Variants in NIBAN1 observed in about 807,000 individuals in gnomAD.
The protein encoded by NIBAN1 is protein Niban 1.
Under a neutral mutation model 75.1 loss-of-function variants are expected in NIBAN1, and 81 were observed. The observed-to-expected ratio is 1.08, with a 90% confidence interval of 0.90 to 1.30. The LOEUF (loss-of-function observed/expected upper bound fraction) is 1.30, where lower values mean the gene tolerates loss of function less well. Among genes scored for constraint, NIBAN1 ranks in the 50% most tolerant of loss-of-function variants. The probability of loss-of-function intolerance (pLI) is 0.00; values close to 1 mark genes in which losing one functional copy is unlikely to be tolerated. For missense variants in NIBAN1, 1,133 were observed against 1,128.1 expected, an observed-to-expected ratio of 1.00 and a Z score of -0.06; for synonymous variants, 436 against 424.8, an observed-to-expected ratio of 1.03 and a Z score of -0.32.
In NIBAN1 at chr1:184,894,059, C is replaced by T; in HGVS notation, c.318+16G>A. 9 of 1,587,358 alleles carry T rather than the reference C, an allele frequency of 5.7e-6. No homozygotes were observed. The highest frequency in any genetic ancestry group is 7.7e-6 in the Non-Finnish European group (9 of 1,169,678). ...AGAACAGTGTAAGAATCAGTAGTAA[C>T]AAAGAAGTGTCTTACCTCTTTATTC... is the stretch of plus-strand genomic sequence containing the variant. On this transcript the variant is annotated intron_variant, in intron 3 of 13. Coordinates refer to ENST00000367511, the MANE Select transcript of NIBAN1 (RefSeq NM_052966.4).
chr1:184,893,094 G>A (rs1018422070), intron 3 of NIBAN1, among the ~76,000 whole-genome samples: 2 of 152,106 alleles, frequency 1.3e-5, no homozygotes, highest in African/African-American at 4.8e-5. Flanking sequence ...CTTGAGCTTA[G>A]AGGCCAGAGA....
chr1:184,891,336 T>A (rs547535200), intron 3 of NIBAN1, among the ~76,000 whole-genome samples: 3 of 152,226 alleles, frequency 2.0e-5, no homozygotes, highest in African/African-American at 7.2e-5. Context: ...GGGCTCCCCA[T>A]GAAATAATAC....
chr1:184,948,253 T>C (rs1030354433), intron 1 of NIBAN1, among the ~76,000 whole-genome samples: 2 of 152,202 alleles, frequency 1.3e-5, no homozygotes, highest in Admixed American at 6.5e-5. Flanking sequence ...GAAACAGGTC[T>C]AGACTCAATT....
chr1:184,879,794 A>G (rs1163205636), intron 5 of NIBAN1, among the ~76,000 whole-genome samples: 1 of 152,230 alleles, frequency 6.6e-6, no homozygotes, highest in African/African-American at 2.4e-5. Flanking sequence ...ACCAATTCCA[A>G]CACATAATCA....
intron 6 of NIBAN1, among the ~76,000 whole-genome samples, chr1:184,824,748 G>A (rs1046652148): frequency 5.9e-5 from 9 of 152,064 alleles, no homozygotes; most frequent in African/African-American, 2.2e-4. Context: ...TTTTCTTAAA[G>A]CTATGTTATT....
rs181964394 is a variant in NIBAN1 at position 184,859,995 on chromosome 1, G to A, written c.601+24638C>T. Among the ~76,000 whole-genome samples, 55 of 152,314 alleles carry A rather than the reference G, an allele frequency of 3.6e-4. 1 individual carries two copies. The East Asian group carries it at 8.7e-3, about 24-fold the overall frequency. On this transcript the variant is annotated intron_variant, in intron 5 of 13. Coordinates refer to ENST00000367511, the MANE Select transcript of NIBAN1 (RefSeq NM_052966.4). ...AACCAAAGCCAGAACTTCAGGGAACGAAGGACTGTGGGGAGGCATTGGGAA... is the reference window on the plus strand; with the variant it reads ...AACCAAAGCCAGAACTTCAGGGAACAAAGGACTGTGGGGAGGCATTGGGAA...
At chr1:184,855,864 C>A (rs1169276895) in intron 5 of NIBAN1, among the ~76,000 whole-genome samples, 42 of 149,878 alleles carry the variant, frequency 2.8e-4, no homozygotes, top group Non-Finnish European at 8.9e-5. Context: ...TGTAGATTGC[C>A]AGTTTCTAAT....
intron 9 of NIBAN1, among the ~76,000 whole-genome samples, chr1:184,809,891 T>C (rs1036310624): frequency 2.0e-5 from 3 of 152,122 alleles, no homozygotes; most frequent in Non-Finnish European, 4.4e-5. Flanking sequence ...CAGAGTAATG[T>C]ATAAAATATA....
chr1:184,831,973 G>A lies in NIBAN1; in HGVS notation c.602-11C>T. 1 of 1,596,050 alleles carries A rather than the reference G, an allele frequency of 6.3e-7. No individual in the cohort carries two copies. The highest frequency in any genetic ancestry group is 1.1e-5 in the South Asian group (1 of 90,704). ...TCTGCTTCATGTAATCTAAAGAAAA[G>A]AAGAAAGGGCATTCAGCAAGATAAA... On this transcript the variant is annotated splice_polypyrimidine_tract_variant and intron_variant, in intron 5 of 13. Coordinates refer to ENST00000367511, the MANE Select transcript of NIBAN1 (RefSeq NM_052966.4).
rs199936550 is a variant in NIBAN1, at chr1:184,897,955, C to T, written c.186+1224G>A. On this transcript the variant is annotated intron_variant, in intron 2 of 13. Coordinates refer to ENST00000367511, the MANE Select transcript of NIBAN1 (RefSeq NM_052966.4). ...CTCCCCAGTTTCCATTCTCCCCTCT[C>T]GCCCCATAGTCTATTCTTTACACAG... Among the ~76,000 whole-genome samples, 24 of 152,318 alleles carry T rather than the reference C, an allele frequency of 1.6e-4. No homozygotes were observed. The East Asian group carries it at 3.3e-3, about 21-fold the overall frequency.
intron 1 of NIBAN1, among the ~76,000 whole-genome samples, chr1:184,946,899 C>T (rs959118756): frequency 6.6e-6 from 1 of 151,944 alleles, no homozygotes; most frequent in Non-Finnish European, 1.5e-5. Flanking sequence ...CATGGAGAAA[C>T]CTTGTCTCTA....
intron 1 of NIBAN1, among the ~76,000 whole-genome samples, chr1:184,907,008 C>T (rs1035740543): frequency 6.6e-6 from 1 of 152,184 alleles, no homozygotes; most frequent in East Asian, 1.9e-4. Context: ...AACTATGATA[C>T]ATTCTATAAT....
chr1:184,868,558 C>T (rs1205986254), intron 5 of NIBAN1: 3 of 152,164 alleles, frequency 2.0e-5, no homozygotes, highest in African/African-American at 7.2e-5. Context: ...GGCACAACTT[C>T]ATGTTTAAAA....
At chr1:184,901,047 G>C (rs574174518) in intron 1 of NIBAN1, among the ~76,000 whole-genome samples, 18 of 152,250 alleles carry the variant, frequency 1.2e-4, no homozygotes, top group African/African-American at 4.3e-4. Context: ...CAATAGGAAA[G>C]CCTTGAATCC....
chr1:184,879,019 G>C (rs573605342), intron 5 of NIBAN1, among the ~76,000 whole-genome samples: 1 of 152,188 alleles, frequency 6.6e-6, no homozygotes, highest in South Asian at 2.1e-4. Flanking sequence ...TAATTGTAGA[G>C]TACTAACTAT....
chr1:184,910,068 G>A (rs2102003482), intron 1 of NIBAN1, among the ~76,000 whole-genome samples: 1 of 152,178 alleles, frequency 6.6e-6, no homozygotes, highest in East Asian at 1.9e-4. Context: ...TCTTCCATAA[G>A]GTGAGTTCAC....
intron 1 of NIBAN1, among the ~76,000 whole-genome samples, chr1:184,940,095 G>A (rs1203213532): frequency 6.6e-6 from 1 of 152,156 alleles, no homozygotes; most frequent in Non-Finnish European, 1.5e-5. Context: ...GTCTCCAGAT[G>A]CAGAATAAGA....
intron 5 of NIBAN1, among the ~76,000 whole-genome samples, chr1:184,857,224 T>C (rs1311689946): frequency 6.6e-6 from 1 of 152,172 alleles, no homozygotes; most frequent in East Asian, 1.9e-4. Context: ...CAAGATGCTA[T>C]TGTGTAAGGC....
chr1:184,931,991 A>G (rs528736946), intron 1 of NIBAN1, among the ~76,000 whole-genome samples: 2 of 152,154 alleles, frequency 1.3e-5, no homozygotes, highest in Non-Finnish European at 2.9e-5. Context: ...CTGCCCAGCT[A>G]TTTCTGAATA....
Sources: allele counts gnomAD v4.1 joint callset (sites outside exome capture counted in the v4.1 genomes callset), GRCh38; gene constraint gnomAD v4.1.1; transcripts MANE v1.5; gene names NCBI Gene and HGNC (gene_info 2026-07-23, HGNC 2026-07-21).